Variants in APOL3 observed in about 807,000 individuals in gnomAD.
The protein encoded by APOL3 is TNF-inducible protein CG12-1.
A neutral mutation model predicts 11.6 loss-of-function variants in APOL3; 14 were observed. That is an observed-to-expected ratio of 1.21 (90% CI 0.80 to 1.89). The LOEUF (loss-of-function observed/expected upper bound fraction) is 1.89, where lower values mean the gene tolerates loss of function less well. Among genes scored for constraint, APOL3 ranks in the 40% most tolerant of loss-of-function variants. The pLI, the probability that APOL3 is intolerant of heterozygous loss-of-function variation, is 0.00. For synonymous variants in APOL3, 192 were observed against 190.6 expected (o/e 1.01, Z -0.06); for missense variants, 483 against 492.1 (o/e 0.98, Z 0.17).
At chr22:36,148,793 C>T (rs974596542) in intron 1 of APOL3, among the ~76,000 whole-genome samples, 2 of 152,180 alleles carry the variant, frequency 1.3e-5, no homozygotes, top group Admixed American at 1.3e-4. Context: ...CCACTTGAGT[C>T]GTTTGCTAGG....
At chr22:36,141,348 A>T (rs1032887806) in exon 3 of APOL3, 1 of 1,614,024 alleles carries the variant, frequency 6.2e-7, no homozygotes, top group Admixed American at 1.7e-5. Context: ...TACAAGGTTG[A>T]CCACATCCAG....
chr22:36,141,767 C>G, exon 3 of APOL3: 1 of 1,614,174 alleles, frequency 6.2e-7, no homozygotes, highest in Non-Finnish European at 8.5e-7. Flanking sequence ...CCAGACTCGT[C>G]CCTGCTGTAA....
At position 36,160,173 on chromosome 22, in the gene APOL3, G is replaced by T. The variant is rs191615957; in HGVS notation, c.223+496C>A. 5.6e-4 allele frequency among the ~76,000 whole-genome samples: 85 copies of T among 152,100 alleles called. No individual in the cohort carries two copies. In the East Asian group the frequency reaches 0.016, roughly 28 times the overall value. ...GCTGGGATTACAGGCATGAGCCACC[G>T]CGCCCAGCCAGGTTCCTTGTATCTC... On this transcript the variant is annotated intron_variant, in intron 1 of 2. Coordinates refer to ENST00000349314, the Ensembl canonical transcript of APOL3.
intron 1 of APOL3, among the ~76,000 whole-genome samples, chr22:36,151,946 C>A (rs958272535): frequency 2.6e-5 from 4 of 152,028 alleles, no homozygotes; most frequent in African/African-American, 9.7e-5. Context: ...AAGAAAGTTA[C>A]TTGAGAATGA....
At chr22:36,145,278 C>A (rs1236246022) in intron 2 of APOL3, among the ~76,000 whole-genome samples, 195 bp downstream of exon 3, 1 of 152,186 alleles carries the variant, frequency 6.6e-6, no homozygotes, top group Non-Finnish European at 1.5e-5. Flanking sequence ...GGCTTCCTCT[C>A]CCCTCAGCCT....
chr22:36,143,007 C>G (rs749248579), intron 2 of APOL3, among the ~76,000 whole-genome samples: 7 of 152,202 alleles, frequency 4.6e-5, no homozygotes, highest in Non-Finnish European at 8.8e-5. Flanking sequence ...GCCAGTTTAG[C>G]AGAAACCCCC....
At chr22:36,156,355 C>T (rs1249685371) in intron 1 of APOL3, among the ~76,000 whole-genome samples, 2 of 152,106 alleles carry the variant, frequency 1.3e-5, no homozygotes, top group Non-Finnish European at 2.9e-5. Context: ...CATTAGCCTT[C>T]GTGCATTAGC....
chr22:36,144,678 C>CT, intron 2 of APOL3, among the ~76,000 whole-genome samples: 1 of 152,110 alleles, frequency 6.6e-6, no homozygotes, highest in East Asian at 1.9e-4. Flanking sequence ...ATTTTTCTGG[C>CT]TTTTTTCAAA....
At chr22:36,154,527 C>T in intron 1 of APOL3, 4 of 439,764 alleles carry the variant, frequency 9.1e-6, no homozygotes, top group Admixed American at 2.9e-5. Context: ...ATTTTTCCTT[C>T]TATTTATTTA....
chr22:36,162,285 A>C (rs1047362553), upstream of APOL3, among the ~76,000 whole-genome samples: 5 of 152,316 alleles, frequency 3.3e-5, no homozygotes, highest in East Asian at 9.6e-4. Context: ...TGTGGCCAGC[A>C]CATCCTGAAG....
At position 36,150,825 on chromosome 22, in the gene APOL3, C is replaced by T. The variant is rs529989404; in HGVS notation, c.224-5226G>A. ...GCTTGAACCCAGGAGGCAGAAGTTG[C>T]AGTGAGCCGAGATTGGGTCACTGCA... On this transcript the variant is annotated intron_variant, in intron 1 of 2. Coordinates refer to ENST00000349314, the Ensembl canonical transcript of APOL3. 1.3e-4 allele frequency among the ~76,000 whole-genome samples: 20 copies of T among 152,326 alleles called. 1 individual carries two copies. In the South Asian group the frequency reaches 3.9e-3, roughly 30 times the overall value.
At position 36,141,842 on chromosome 22, in the gene APOL3, C is replaced by A. The variant is rs776692390; in HGVS notation, c.567G>T (p.Val189=). ...AGGCAGCGCCAGTGGAGCTGGACACCACATTGGAGATGGTGCAGCCTCTGT... is the reference window on the plus strand; with the variant it reads ...AGGCAGCGCCAGTGGAGCTGGACACAACATTGGAGATGGTGCAGCCTCTGT... Residue 189 remains valine (V), a synonymous_variant, in exon 3 of 3, where the codon GTG becomes GTT. Transcript: ENST00000349314. The A allele has an allele frequency of 1.2e-5, 19 of 1,614,084 alleles. No homozygotes were observed. The African/African-American group carries it at 2.4e-4, about 20-fold the overall frequency.
At chr22:36,154,516 T>C (rs1408935466) in intron 1 of APOL3, 2 of 439,186 alleles carry the variant, frequency 4.6e-6, no homozygotes, top group Admixed American at 5.6e-5. Flanking sequence ...TATAAATGGA[T>C]ATTTTTCCTT....
At chr22:36,152,359 C>T (rs1231115294) in intron 1 of APOL3, among the ~76,000 whole-genome samples, 2 of 152,146 alleles carry the variant, frequency 1.3e-5, no homozygotes, top group East Asian at 1.9e-4. Context: ...AGATTTAAAG[C>T]GTCACCAAAA....
At chr22:36,153,300 G>T (rs2012120156) in intron 1 of APOL3, 4 of 440,926 alleles carry the variant, frequency 9.1e-6, no homozygotes, top group Admixed American at 7.5e-5. Context: ...TAATGGTTTG[G>T]ATTGTGGTGC....
chr22:36,163,265 G>T (rs536485834), upstream of APOL3, among the ~76,000 whole-genome samples: 1 of 152,292 alleles, frequency 6.6e-6, no homozygotes, highest in African/African-American at 2.4e-5. Flanking sequence ...CTGATTAAGA[G>T]AGCCGATTGG....
intron 1 of APOL3, chr22:36,155,652 T>C (rs554892627): frequency 3.1e-4 from 50 of 159,762 alleles, no homozygotes; most frequent in Non-Finnish European, 4.8e-4. Flanking sequence ...CTCAACATCA[T>C]GAGCCATAAG....
intron 1 of APOL3, among the ~76,000 whole-genome samples, chr22:36,160,382 C>T (rs1332252387): frequency 2.0e-5 from 3 of 152,136 alleles, no homozygotes; most frequent in Admixed American, 6.5e-5. Flanking sequence ...CTGGGGTCAC[C>T]GGGCCATGTC....
chr22:36,161,001 C>T, upstream of APOL3: 1 of 981,910 alleles, frequency 1.0e-6, no homozygotes, highest in Non-Finnish European at 1.5e-6. Context: ...TGGGGGTTTG[C>T]TGTGTCTTCA....
Sources: allele counts gnomAD v4.1 joint callset (sites outside exome capture counted in the v4.1 genomes callset), GRCh38; gene constraint gnomAD v4.1.1; transcripts MANE v1.5; gene names NCBI Gene and HGNC (gene_info 2026-07-23, HGNC 2026-07-21).